GRID2: variants seen among roughly 807,000 people sequenced by gnomAD.
GRID2 encodes the protein glutamate receptor ionotropic, delta-2.
A neutral mutation model predicts 114.8 loss-of-function variants in GRID2; 33 were observed. The observed-to-expected ratio is 0.29, with a 90% CI of 0.22 to 0.38. The LOEUF (loss-of-function observed/expected upper bound fraction) is 0.38, where lower values mean the gene tolerates loss of function less well. GRID2 is among the 10% of genes least tolerant of loss of function. The pLI, the probability that GRID2 is intolerant of heterozygous loss-of-function variation, is 1.00. For synonymous variants in GRID2, 505 were observed against 449.9 expected (o/e 1.12, Z -1.55); for missense variants, 1,184 against 1,257.7 (o/e 0.94, Z 0.89).
chr4:93,069,803 C>A (rs915679200), intron 2 of GRID2, among the ~76,000 whole-genome samples: 1 of 152,080 alleles, frequency 6.6e-6, no homozygotes, highest in African/African-American at 2.4e-5. Flanking sequence ...AAGCACAACA[C>A]TGATTCACAT....
intron 4 of GRID2, among the ~76,000 whole-genome samples, chr4:93,145,644 C>CTTTT (rs10605313): frequency 2.4e-4 from 11 of 45,708 alleles, no homozygotes; most frequent in East Asian, 7.5e-4. Context: ...TTCTTTTTTC[C>CTTTT]TTTTTTTTTT....
chr4:92,336,174 A>C (rs2110152887), intron 1 of GRID2, among the ~76,000 whole-genome samples: 1 of 152,262 alleles, frequency 6.6e-6, no homozygotes, highest in East Asian at 1.9e-4. Context: ...TATGCTTAGT[A>C]ATTCTTAGAT....
chr4:92,579,190 G>A (rs1375995128), intron 1 of GRID2, among the ~76,000 whole-genome samples: 3 of 151,840 alleles, frequency 2.0e-5, no homozygotes, highest in Non-Finnish European at 2.9e-5. Flanking sequence ...GAGCTCTGTG[G>A]TAAATTACTT....
intron 2 of GRID2, among the ~76,000 whole-genome samples, chr4:92,863,833 C>T (rs543072947): frequency 2.1e-4 from 32 of 151,970 alleles, no homozygotes; most frequent in Admixed American, 5.3e-4. Flanking sequence ...CTGAGATCAT[C>T]GCACTCTCGA....
rs952027405 is a variant in GRID2, at chr4:93,025,476, C to T, written c.245-59519C>T. On this transcript the variant is annotated intron_variant, in intron 2 of 15. Transcript: ENST00000282020. ...GAATTTGTTTCATCTACTTTTTTCT[C>T]ACAACAAAATCAGGTCCTCTAGTTG... 6.6e-5 allele frequency among the ~76,000 whole-genome samples: 10 copies of T among 151,746 alleles called. 2 individuals carry two copies. Among genetic ancestry groups the T allele is most frequent in the Admixed American group, 6.6e-5 (1 of 15,218 alleles).
chr4:92,577,087 C>A (rs981336687), intron 1 of GRID2, among the ~76,000 whole-genome samples: 1 of 152,038 alleles, frequency 6.6e-6, no homozygotes, highest in Non-Finnish European at 1.5e-5. Flanking sequence ...ATAGCATATT[C>A]GAAAGGGAAC....
intron 13 of GRID2, among the ~76,000 whole-genome samples, chr4:93,522,274 TTC>T (rs957087120): frequency 6.6e-6 from 1 of 152,100 alleles, no homozygotes; most frequent in Non-Finnish European, 1.5e-5. Context: ...AGGGCAGAGA[TTC>T]TGGAGATTTG....
intron 14 of GRID2, among the ~76,000 whole-genome samples, chr4:93,718,729 C>G (rs1407044212): frequency 6.6e-6 from 1 of 151,952 alleles, no homozygotes; most frequent in Non-Finnish European, 1.5e-5. Context: ...AAAAAAAAAT[C>G]CGTAGGAATC....
intron 8 of GRID2, among the ~76,000 whole-genome samples, chr4:93,368,390 ACT>A (rs1762545287): frequency 7.6e-6 from 1 of 131,168 alleles, no homozygotes; most frequent in Non-Finnish European, 1.6e-5. Flanking sequence ...ATATAGTAAG[ACT>A]CTAAATAACT....
chr4:93,574,604 A>T (rs1158256219), intron 13 of GRID2, among the ~76,000 whole-genome samples: 1 of 152,066 alleles, frequency 6.6e-6, no homozygotes, highest in Non-Finnish European at 1.5e-5. Flanking sequence ...AAACCTTCAG[A>T]TCTTGTGAGA....
At chr4:93,224,515 T>C in intron 6 of GRID2, 99 bp from the exon 7 acceptor site, 1 of 718,480 alleles carries the variant, frequency 1.4e-6, no homozygotes, top group East Asian at 2.6e-5. Flanking sequence ...ACCAGCCATG[T>C]ATGACATGAA....
chr4:92,821,020 C>T (rs1741248990), intron 2 of GRID2, among the ~76,000 whole-genome samples: 1 of 151,872 alleles, frequency 6.6e-6, no homozygotes, highest in Admixed American at 6.6e-5. Flanking sequence ...TGGAAGTATG[C>T]ATAAATATTG....
chr4:93,131,604 T>TA (rs1284631361), intron 4 of GRID2, among the ~76,000 whole-genome samples: 76 of 102,102 alleles, frequency 7.4e-4, no homozygotes, highest in African/African-American at 3.6e-3. Context: ...ATTAAAAATT[T>TA]TATTTAAATT....
chr4:93,174,403 G>A (rs1053982947), intron 4 of GRID2, among the ~76,000 whole-genome samples: 2 of 152,078 alleles, frequency 1.3e-5, no homozygotes, highest in African/African-American at 4.8e-5. Flanking sequence ...TTTTCACTCA[G>A]TGGAATTCTC....
At chr4:93,411,941 TAAAAAAAAAAAAAGA>T (rs1560592822) in intron 9 of GRID2, among the ~76,000 whole-genome samples, 1 of 138,714 alleles carries the variant, frequency 7.2e-6, no homozygotes, top group Non-Finnish European at 1.6e-5. Flanking sequence ...ATCTCTCTAT[TAAAAAAAAAAAAAGA>T]AAAAAGAAAA....
intron 2 of GRID2, among the ~76,000 whole-genome samples, chr4:92,960,899 C>G (rs1260964034): frequency 6.6e-6 from 1 of 151,662 alleles, no homozygotes; most frequent in Admixed American, 6.6e-5. Flanking sequence ...CTTAGCATAT[C>G]AGTTATATAT....
chr4:93,417,729 T>C (rs565600038), intron 9 of GRID2, among the ~76,000 whole-genome samples: 1 of 152,072 alleles, frequency 6.6e-6, no homozygotes, highest in Non-Finnish European at 1.5e-5. Flanking sequence ...GGCTATTGCT[T>C]TTTTCACTCA....
At chr4:92,841,683 C>G (rs1272033529) in intron 2 of GRID2, among the ~76,000 whole-genome samples, 1 of 152,010 alleles carries the variant, frequency 6.6e-6, no homozygotes, top group Non-Finnish European at 1.5e-5. Flanking sequence ...CAAGTGAAGC[C>G]AGAAAAATTA....
chr4:92,852,163 G>A (rs929011462), intron 2 of GRID2, among the ~76,000 whole-genome samples: 23 of 151,904 alleles, frequency 1.5e-4, no homozygotes, highest in Non-Finnish European at 3.1e-4. Flanking sequence ...TGTATGTGGA[G>A]GGGGGTGTAT....
Sources: allele counts gnomAD v4.1 joint callset (sites outside exome capture counted in the v4.1 genomes callset), GRCh38; gene constraint gnomAD v4.1.1; transcripts MANE v1.5; gene names NCBI Gene and HGNC (gene_info 2026-07-23, HGNC 2026-07-21).